The following PXYLP1 variants were observed in gnomAD, a reference collection of about 807,000 sequenced individuals.
The protein encoded by PXYLP1 is 2-phosphoxylose phosphatase 1, also known as acid phosphatase-like 2.
In PXYLP1, 17 loss-of-function variants were observed where a neutral mutation model predicts 37.9. The ratio of observed to expected loss-of-function variants is 0.45; its 90% confidence interval spans 0.31 to 0.67. PXYLP1 has a LOEUF of 0.67. Among genes scored for constraint, PXYLP1 ranks in the 30% least tolerant of loss-of-function variants. The probability of loss-of-function intolerance (pLI) is 0.07; values close to 1 mark genes in which losing one functional copy is unlikely to be tolerated. For missense variants in PXYLP1, 511 were observed against 612.0 expected (o/e 0.84, Z 1.74); for synonymous variants, 221 against 232.2 (o/e 0.95, Z 0.44).
At chr3:141,268,436 C>T (rs9878866) in intron 2 of PXYLP1, among the ~76,000 whole-genome samples, 127,995 of 152,138 alleles carry the variant, frequency 0.84, 54,393 homozygotes, top group African/African-American at 0.96. Context: ...TGGAGTCTGG[C>T]AGGCAGAGTG....
intron 4 of PXYLP1, among the ~76,000 whole-genome samples, chr3:141,282,885 G>A (rs1159869684): frequency 6.6e-6 from 1 of 152,320 alleles, no homozygotes; most frequent in South Asian, 2.1e-4. Context: ...AGGGAGGTAT[G>A]GGGGGAAGTT....
chr3:141,274,412 GT>G, intron 2 of PXYLP1: 1 of 1,457,176 alleles, frequency 6.9e-7, no homozygotes, highest in Non-Finnish European at 9.0e-7. Flanking sequence ...ATGTTTGGCT[GT>G]GTTTCACGGC....
intron 1 of PXYLP1, chr3:141,232,337 C>T (rs1940539110): frequency 6.6e-6 from 1 of 152,548 alleles, no homozygotes; most frequent in African/African-American, 2.4e-5. Flanking sequence ...TTCCAGCCCT[C>T]TCCCGCACGG....
intron 2 of PXYLP1, among the ~76,000 whole-genome samples, chr3:141,265,825 C>T (rs1390840293): frequency 6.6e-6 from 1 of 152,164 alleles, no homozygotes; most frequent in African/African-American, 2.4e-5. Flanking sequence ...GTCAACCATG[C>T]AGGGCTGGTG....
intron 2 of PXYLP1, among the ~76,000 whole-genome samples, chr3:141,271,848 C>T (rs1212860110): frequency 1.3e-5 from 2 of 152,168 alleles, no homozygotes; most frequent in Non-Finnish European, 2.9e-5. Context: ...GAGACATGGT[C>T]CTGGAGGAGC....
intron 4 of PXYLP1, among the ~76,000 whole-genome samples, chr3:141,283,394 A>C (rs1941998659): frequency 1.3e-5 from 2 of 152,176 alleles, no homozygotes; most frequent in South Asian, 4.1e-4. Flanking sequence ...TATTACAGAC[A>C]GAACCTGAGG....
intron 1 of PXYLP1, among the ~76,000 whole-genome samples, chr3:141,247,690 G>A (rs564194205): frequency 2.4e-4 from 37 of 152,310 alleles, no homozygotes; most frequent in African/African-American, 8.9e-4. Flanking sequence ...CATGCGCCTT[G>A]TAAGAGAACT....
chr3:141,248,689 G>A (rs113530490), intron 1 of PXYLP1, among the ~76,000 whole-genome samples: 2,170 of 10,402 alleles, frequency 0.21, 512 homozygotes, highest in South Asian at 0.4. Flanking sequence ...ATATACACAC[G>A]TATATACACA....
At chr3:141,263,027 G>C (rs1941429538) in intron 2 of PXYLP1, among the ~76,000 whole-genome samples, 1 of 152,124 alleles carries the variant, frequency 6.6e-6, no homozygotes, top group Admixed American at 6.5e-5. Flanking sequence ...AAAGAATATA[G>C]CTTTGTTATC....
chr3:141,277,237 T>G (rs528165402), intron 2 of PXYLP1, among the ~76,000 whole-genome samples: 2 of 152,368 alleles, frequency 1.3e-5, no homozygotes, highest in African/African-American at 4.8e-5. Flanking sequence ...GGCTGGTGGT[T>G]GGTCCCTGTT....
chr3:141,262,298 T>C, intron 2 of PXYLP1: 1 of 998,448 alleles, frequency 1.0e-6, no homozygotes, highest in Non-Finnish European at 1.2e-6. Flanking sequence ...ATATTCCAGA[T>C]GGCAAATGAA....
Position 141,240,131 on chromosome 3 carries a change from T to C in PXYLP1, c.-54+8220T>C, listed in dbSNP as rs566653029. On this transcript the variant is annotated intron_variant, in intron 1 of 5. Coordinates refer to ENST00000286353, the MANE Select transcript of PXYLP1 (RefSeq NM_001037172.3). ...GCTGACATCTGTCTGTACTGACACT[T>C]GTGTTACTCTCTTGGCCTTTCCTTC... 7.2e-5 allele frequency among the ~76,000 whole-genome samples: 11 copies of C among 152,338 alleles called. No homozygotes were observed. In the East Asian group the frequency reaches 1.7e-3, roughly 24 times the overall value.
At chr3:141,255,207 T>C (rs1453840559) in intron 1 of PXYLP1, among the ~76,000 whole-genome samples, 1 of 152,228 alleles carries the variant, frequency 6.6e-6, no homozygotes, top group Non-Finnish European at 1.5e-5. Context: ...CTGGGTTTTC[T>C]GTTTTTTGTT....
At chr3:141,237,833 A>G (rs964628382) in intron 1 of PXYLP1, among the ~76,000 whole-genome samples, 1 of 152,168 alleles carries the variant, frequency 6.6e-6, no homozygotes, top group African/African-American at 2.4e-5. Context: ...GAGGCTGTGA[A>G]GGGGCTGACC....
Position 141,278,418 on chromosome 3 carries a change from G to C in PXYLP1, c.156G>C (p.Val52=), listed in dbSNP as rs1322839114. The C allele has an allele frequency of 6.2e-7, 1 of 1,614,232 alleles. No homozygotes were observed. The highest frequency in any genetic ancestry group is 1.3e-5 in the African/African-American group (1 of 75,054). ...GAAAGAGAATCATGCCCGACCCTGT[G>C]ACGGAGCCCCCTGTGACAGACCCCG... ...KSRKRIMPDP[V]TEPPVTDPVY... is the part of the protein sequence containing the mutation. The change falls in exon 3 of 6, where the codon GTG becomes GTC. Residue 52 remains valine, a synonymous_variant. Transcript: ENST00000286353.
rs1942278345 is a variant in PXYLP1 at position 141,293,373 on chromosome 3, C to T, written c.*168C>T. The T allele has an allele frequency of 4.4e-6, 3 of 680,316 alleles. No individual in the cohort carries two copies. Among genetic ancestry groups the T allele is most frequent in the Non-Finnish European group, 4.8e-6 (2 of 413,600 alleles). 42.1% of individuals were successfully genotyped at this position (680,316 alleles called of 1,614,324 possible). A position where few individuals can be genotyped will look rare whatever the true frequency, so the allele number is the denominator to read the frequency against. On this transcript the variant is annotated 3_prime_UTR_variant, in exon 6 of 6. Transcript: ENST00000286353. ...GGGTTGAACAGTAAGCACATTGCTG[C>T]AATGTGGTACGTGAATTGCTTGGTA...
intron 4 of PXYLP1, among the ~76,000 whole-genome samples, chr3:141,282,838 G>C (rs1941985292): frequency 6.6e-6 from 1 of 152,202 alleles, no homozygotes; most frequent in African/African-American, 2.4e-5. Context: ...GTGTCTGGCT[G>C]GTGGTGGTAC....
intron 5 of PXYLP1, among the ~76,000 whole-genome samples, chr3:141,290,258 C>T (rs1412803952): frequency 2.0e-5 from 3 of 152,180 alleles, no homozygotes; most frequent in Non-Finnish European, 4.4e-5. Flanking sequence ...ACACAATGTG[C>T]GTGGAGACAA....
intron 3 of PXYLP1, 127 bp from the exon 4 acceptor site, chr3:141,279,251 A>G (rs1465724552): frequency 8.3e-7 from 1 of 1,207,632 alleles, no homozygotes; most frequent in African/African-American, 1.5e-5. Context: ...CTGCAAACCC[A>G]CGGTGGCCCC....
Sources: gnomAD v4.1 joint callset for allele counts (sites outside exome capture counted in the v4.1 genomes callset) on GRCh38, gnomAD v4.1.1 for gene constraint, MANE v1.5 for transcripts, NCBI Gene and HGNC (gene_info 2026-07-23, HGNC 2026-07-21) for gene names.